Variants in MACROD2 observed in about 807,000 individuals in gnomAD.
The protein encoded by MACROD2 is ADP-ribose glycohydrolase MACROD2.
MACROD2 carries 36 observed loss-of-function variants against 70.4 expected under a neutral mutation model. The observed-to-expected ratio is 0.51, with a 90% CI of 0.39 to 0.68. The LOEUF (loss-of-function observed/expected upper bound fraction) is 0.68. MACROD2 is among the 30% of genes least tolerant of loss of function. The pLI is 0.00. For synonymous variants in MACROD2, 172 were observed against 178.8 expected, an observed-to-expected ratio of 0.96 and a Z score of 0.30; for missense variants, 496 against 538.4, an observed-to-expected ratio of 0.92 and a Z score of 0.78.
chr20:14,196,593 T>C (rs6079348), intron 3 of MACROD2, among the ~76,000 whole-genome samples: 151,380 of 152,346 alleles, frequency 0.99, 75,218 homozygotes, highest in East Asian at 1. Flanking sequence ...AGAAACCCAA[T>C]TCAAAATAGC....
In MACROD2 at chr20:15,496,638, G is replaced by A. The variant is rs758038916; in HGVS notation, c.572-3136G>A. On this transcript the variant is annotated intron_variant, in intron 7 of 17. Transcript: ENST00000684519. The stretch of plus-strand genomic sequence containing the variant: ...GTTTTTTATAGCCCTATAATTTTAT[G>A]ATGTAAGTACTTATTCAACATACCT... 1.2e-4 allele frequency among the ~76,000 whole-genome samples: 18 copies of A among 152,164 alleles called. 1 individual carries two copies. The highest frequency in any genetic ancestry group is 2.6e-4 in the Non-Finnish European group (18 of 68,026).
intron 2 of MACROD2, among the ~76,000 whole-genome samples, chr20:14,004,627 A>G (rs1044113975): frequency 2.6e-5 from 4 of 152,180 alleles, no homozygotes; most frequent in Non-Finnish European, 5.9e-5. Flanking sequence ...AAAAAATATT[A>G]GTCAAGAGAG....
chr20:14,047,057 A>T (rs145050878), intron 2 of MACROD2, among the ~76,000 whole-genome samples: 19 of 152,292 alleles, frequency 1.2e-4, no homozygotes, highest in African/African-American at 4.6e-4. Flanking sequence ...CAAATTACAG[A>T]TGAGTATATA....
At chr20:14,175,890 A>T (rs924327239) in intron 3 of MACROD2, among the ~76,000 whole-genome samples, 1 of 152,172 alleles carries the variant, frequency 6.6e-6, no homozygotes, top group African/African-American at 2.4e-5. Flanking sequence ...GGGTTTTGGC[A>T]TTTGGTGGAT....
intron 6 of MACROD2, among the ~76,000 whole-genome samples, chr20:15,311,169 G>A (rs1382859034): frequency 6.6e-6 from 1 of 151,896 alleles, no homozygotes; most frequent in African/African-American, 2.4e-5. Context: ...TAGGATCCAT[G>A]ATAAAAACTA....
intron 5 of MACROD2, among the ~76,000 whole-genome samples, chr20:15,088,429 ATATATATATATATATATATATAATATTT>A (rs2075767577): frequency 1.4e-4 from 5 of 36,522 alleles, no homozygotes; most frequent in African/African-American, 3.6e-4. Flanking sequence ...ATATATATAT[ATATATATATATATATATATATAATATTT>A]TGTGTGTGTG....
At chr20:14,222,713 C>T (rs777120512) in intron 3 of MACROD2, among the ~76,000 whole-genome samples, 2 of 149,280 alleles carry the variant, frequency 1.3e-5, no homozygotes, top group Non-Finnish European at 1.5e-5. Flanking sequence ...TTGTTAGATG[C>T]GATTATTGTT....
At chr20:15,411,438 G>A (rs112738217) in intron 6 of MACROD2, among the ~76,000 whole-genome samples, 7 of 152,158 alleles carry the variant, frequency 4.6e-5, no homozygotes, top group Non-Finnish European at 1.0e-4. Context: ...TTGTTATCCC[G>A]TCATCAAATT....
At chr20:14,542,021 G>C (rs1421844046) in intron 4 of MACROD2, among the ~76,000 whole-genome samples, 1 of 152,194 alleles carries the variant, frequency 6.6e-6, no homozygotes, top group Non-Finnish European at 1.5e-5. Context: ...TAATTTCATT[G>C]TTAACATTTG....
At chr20:15,027,789 A>C (rs938424145) in intron 5 of MACROD2, among the ~76,000 whole-genome samples, 1 of 152,064 alleles carries the variant, frequency 6.6e-6, no homozygotes, top group Non-Finnish European at 1.5e-5. Context: ...TCAGGATAAG[A>C]GTATAAATGG....
At chr20:14,831,264 A>T (rs1489491341) in intron 5 of MACROD2, among the ~76,000 whole-genome samples, 1 of 152,142 alleles carries the variant, frequency 6.6e-6, no homozygotes, top group Non-Finnish European at 1.5e-5. Flanking sequence ...ATATATCTGC[A>T]CTGCCTTTTG....
chr20:14,663,784 T>G (rs546148081), intron 4 of MACROD2, among the ~76,000 whole-genome samples: 2 of 152,198 alleles, frequency 1.3e-5, no homozygotes, highest in African/African-American at 4.8e-5. Flanking sequence ...TTTCTCTGAT[T>G]ATTTACATCA....
intron 6 of MACROD2, among the ~76,000 whole-genome samples, chr20:15,316,612 TC>T (rs1486074454): frequency 6.6e-6 from 1 of 152,000 alleles, no homozygotes; most frequent in African/African-American, 2.4e-5. Context: ...GATTTAAATA[TC>T]CCACTTTCAG....
At chr20:14,402,488 A>T (rs2083647686) in intron 3 of MACROD2, among the ~76,000 whole-genome samples, 1 of 151,972 alleles carries the variant, frequency 6.6e-6, no homozygotes, top group African/African-American at 2.4e-5. Flanking sequence ...GGTTCACATC[A>T]TAGGGGAAAT....
intron 8 of MACROD2, among the ~76,000 whole-genome samples, chr20:15,615,236 G>A (rs749435277): frequency 3.9e-5 from 6 of 152,102 alleles, no homozygotes; most frequent in South Asian, 2.1e-4. Context: ...GTGTAAGATC[G>A]CATCCCCAAC....
chr20:15,267,623 C>T (rs1466921198), intron 6 of MACROD2, among the ~76,000 whole-genome samples: 1 of 152,320 alleles, frequency 6.6e-6, no homozygotes, highest in Admixed American at 6.5e-5. Context: ...GACCACTATC[C>T]TGTCACTCTC....
chr20:14,785,451 A>T (rs183666723), intron 5 of MACROD2, among the ~76,000 whole-genome samples: 4 of 152,200 alleles, frequency 2.6e-5, no homozygotes, highest in Non-Finnish European at 5.9e-5. Flanking sequence ...AATTCAAATG[A>T]AGTCATATTT....
chr20:14,142,624 T>G (rs2054892042), intron 3 of MACROD2, among the ~76,000 whole-genome samples: 1 of 152,196 alleles, frequency 6.6e-6, no homozygotes, highest in Non-Finnish European at 1.5e-5. Context: ...CCAAATTGAT[T>G]GCTTTAAAAA....
intron 8 of MACROD2, among the ~76,000 whole-genome samples, chr20:15,560,433 G>T (rs1039433264): frequency 6.6e-6 from 1 of 152,074 alleles, no homozygotes; most frequent in South Asian, 2.1e-4. Context: ...ATGCTGGGGG[G>T]ATTTTGCCAT....
Sources: gnomAD v4.1 joint callset for allele counts (sites outside exome capture counted in the v4.1 genomes callset) on GRCh38, gnomAD v4.1.1 for gene constraint, MANE v1.5 for transcripts, NCBI Gene and HGNC (gene_info 2026-07-23, HGNC 2026-07-21) for gene names.